The following ADRA1A variants were observed in gnomAD, a reference collection of about 807,000 sequenced individuals.
ADRA1A encodes the protein alpha-1A adrenergic receptor.
In ADRA1A, 31 loss-of-function variants were observed where a neutral mutation model predicts 29.6. The observed-to-expected ratio is 1.05, with a 90% CI of 0.79 to 1.41. ADRA1A has a LOEUF of 1.41. Ranked by LOEUF, ADRA1A falls within the 40% of genes most tolerant of loss-of-function variation. The pLI, the probability that ADRA1A is intolerant of heterozygous loss-of-function variation, is 0.00. For synonymous variants in ADRA1A, 311 were observed against 254.3 expected, an observed-to-expected ratio of 1.22 and a Z score of -2.12; for missense variants, 619 against 601.1, an observed-to-expected ratio of 1.03 and a Z score of -0.31.
intron 2 of ADRA1A, chr8:26,756,965 A>G (rs566277205): frequency 2.4e-6 from 2 of 850,178 alleles, no homozygotes; most frequent in East Asian, 5.3e-5. Context: ...GATCCCTCTC[A>G]TTTCCTCATT....
At chr8:26,755,430 G>A (rs1805117338), downstream of ADRA1A, among the ~76,000 whole-genome samples, 1 of 152,132 alleles carries the variant, frequency 6.6e-6, no homozygotes, top group Non-Finnish European at 1.5e-5. Flanking sequence ...TGCCTGTGGG[G>A]ACTTGGGCAA....
Position 26,805,921 on chromosome 8 carries a change from C to A in ADRA1A, c.884-35255G>T, listed in dbSNP as rs142574227. Among the ~76,000 whole-genome samples the A allele has an allele frequency of 2.5e-3, 378 of 152,300 alleles. 1 individual carries two copies. The highest frequency in any genetic ancestry group is 4.3e-3 in the Non-Finnish European group (292 of 68,028). On this transcript the variant is annotated intron_variant, in intron 2 of 2. Transcript: ENST00000380573. This position sits in a 1 kb window ranked among gnomAD's most constrained non-coding sequence, Gnocchi z 4.8. ...CTTATCAGAGCCTGTGCCCCCTTCC[C>A]CCTAGGCATCTTCTATCACTGTTGC...
intron 2 of ADRA1A, among the ~76,000 whole-genome samples, chr8:26,793,527 A>AT (rs1170009243): frequency 2.0e-5 from 3 of 152,002 alleles, no homozygotes; most frequent in Admixed American, 6.6e-5. Context: ...ATTAGAATTA[A>AT]TTAGTACATT....
chr8:26,808,233 T>G lies in ADRA1A; in HGVS notation c.884-37567A>C, dbSNP rs533544343. On this transcript the variant is annotated intron_variant, in intron 2 of 2. Transcript: ENST00000380573. ...GTTTCCTACACAAAAGATTGCATAC[T>G]ACATATACTTCTACATATTGCTTTT... Among the ~76,000 whole-genome samples the G allele has an allele frequency of 3.3e-5, 5 of 152,338 alleles. No homozygotes were observed. In the East Asian group the frequency reaches 9.6e-4, roughly 29 times the overall value.
chr8:26,768,157 A>C (rs180998547), downstream of ADRA1A, among the ~76,000 whole-genome samples: 3 of 152,320 alleles, frequency 2.0e-5, no homozygotes, highest in East Asian at 5.8e-4. Context: ...ACATGCAAAC[A>C]TACCCTCCAT....
chr8:26,769,220 C>T lies in ADRA1A; in HGVS notation c.*929G>A. ...CAGGTAAGTGATTTGTCAAGAAAGG[C>T]TTTTGTAAGCCATGTTGAAATGGCT... On this transcript the variant is annotated 3_prime_UTR_variant, in exon 3 of 3. Coordinates refer to ENST00000380573, the MANE Select transcript of ADRA1A (RefSeq NM_000680.4). The T allele has an allele frequency of 1.0e-6, 1 of 985,358 alleles. No individual in the cohort carries two copies. Among genetic ancestry groups the T allele is most frequent in the Non-Finnish European group, 1.2e-6 (1 of 829,894 alleles). 61.0% of individuals were successfully genotyped at this position (985,358 alleles called of 1,614,324 possible). A position where few individuals can be genotyped will look rare whatever the true frequency, so the allele number is the denominator to read the frequency against.
chr8:26,859,800 GCT>G (rs1426988962), intron 2 of ADRA1A, among the ~76,000 whole-genome samples: 2 of 144,754 alleles, frequency 1.4e-5, no homozygotes, highest in African/African-American at 5.2e-5. Context: ...ACAGAATCTC[GCT>G]CTGTCACCCA....
chr8:26,806,987 G>A lies in ADRA1A; in HGVS notation c.884-36321C>T, dbSNP rs547994050. On this transcript the variant is annotated intron_variant, in intron 2 of 2. Coordinates refer to ENST00000380573, the MANE Select transcript of ADRA1A (RefSeq NM_000680.4). This position sits in a 1 kb window ranked among gnomAD's most constrained non-coding sequence, Gnocchi z 4.6. ...TAATAATGTCAAACTTATGTCGGGG[G>A]TAAAGTGCTATAAAAATAAACATGT... 6.6e-6 allele frequency among the ~76,000 whole-genome samples: 1 copy of A among 152,296 alleles called. No homozygotes were observed. The highest frequency in any genetic ancestry group is 1.5e-5 in the Non-Finnish European group (1 of 68,030).
chr8:26,828,164 G>A (rs1810722859), intron 2 of ADRA1A, among the ~76,000 whole-genome samples: 1 of 152,190 alleles, frequency 6.6e-6, no homozygotes, highest in African/African-American at 2.4e-5. Context: ...AGGGTGCTAA[G>A]ATTACAGGTA....
In ADRA1A at chr8:26,799,909, A is replaced by C. The variant is rs117600828; in HGVS notation, c.884-29243T>G. On this transcript the variant is annotated intron_variant, in intron 2 of 2. Transcript: ENST00000380573. ...CACGTAATCTAGAATTGCCAATTCA[A>C]TGTGAAAAAAATAAAGTTGGAGGAG... is the stretch of plus-strand genomic sequence containing the variant. 4.8e-3 allele frequency among the ~76,000 whole-genome samples: 724 copies of C among 152,312 alleles called. 2 individuals are homozygous for C. Among genetic ancestry groups the C allele is most frequent in the Middle Eastern group, 0.01 (3 of 294 alleles).
At chr8:26,820,583 A>G (rs1460650171) in intron 2 of ADRA1A, among the ~76,000 whole-genome samples, 1 of 152,134 alleles carries the variant, frequency 6.6e-6, no homozygotes, top group Non-Finnish European at 1.5e-5. Flanking sequence ...TCCCCATGAC[A>G]TAGACTGAGC....
At chr8:26,782,451 A>G (rs1400705277) in intron 2 of ADRA1A, among the ~76,000 whole-genome samples, 2 of 152,214 alleles carry the variant, frequency 1.3e-5, no homozygotes, top group Non-Finnish European at 2.9e-5. Context: ...TTCCTCTTTA[A>G]TTTTAAAAGG....
chr8:26,864,173 C>A lies in ADRA1A; in HGVS notation c.797G>T (p.Arg266Leu), dbSNP rs750645265. 6.2e-7 allele frequency: 1 copy of A among 1,614,110 alleles called. No homozygotes were observed. The highest frequency in any genetic ancestry group is 8.5e-7 in the Non-Finnish European group (1 of 1,180,042). ...CAGCGTTTTGGCCGCTTTCTTCTCCCGGGAGAACTTGAGGAGCCTCACTGA... is the reference window on the plus strand; with the variant it reads ...CAGCGTTTTGGCCGCTTTCTTCTCCAGGGAGAACTTGAGGAGCCTCACTGA... ...HFSVRLLKFS[R>L]EKKAAKTLGI... The change falls in exon 2 of 3, where the codon CGG becomes CTG. Residue 266 changes from arginine (R) to leucine (L), a missense_variant. Physicochemically the swap from Arg to Leu is moderately radical, Grantham distance 102. Coordinates refer to ENST00000380573, the MANE Select transcript of ADRA1A (RefSeq NM_000680.4). The surrounding 1 kb of genome is among the most constrained non-coding windows in gnomAD (Gnocchi z 8.1).
At chr8:26,757,549 C>T (rs1805256620) in intron 2 of ADRA1A, among the ~76,000 whole-genome samples, 1 of 148,448 alleles carries the variant, frequency 6.7e-6, no homozygotes, top group African/African-American at 2.5e-5. Flanking sequence ...AGGTTTGTAA[C>T]ACAAGCAGAC....
At chr8:26,837,244 C>A (rs1347895788) in intron 2 of ADRA1A, among the ~76,000 whole-genome samples, 1 of 152,068 alleles carries the variant, frequency 6.6e-6, no homozygotes, top group Non-Finnish European at 1.5e-5. Flanking sequence ...TTTTGTCTGA[C>A]ATTGATTATG....
intron 2 of ADRA1A, chr8:26,779,264 TGCC>T (rs1227339072): frequency 1.7e-5 from 12 of 700,870 alleles, no homozygotes; most frequent in Admixed American, 4.0e-5. Context: ...CCCTTTTTTT[TGCC>T]TCTTACATTC....
At position 26,841,426 on chromosome 8, in the gene ADRA1A, C is replaced by A. The variant is rs1013114692; in HGVS notation, c.883+22661G>T. On this transcript the variant is annotated intron_variant, in intron 2 of 2. Transcript: ENST00000380573. This position sits in a 1 kb window ranked among gnomAD's most constrained non-coding sequence, Gnocchi z 4.4. ...TAACTGTGAAGGCATCGGGCTTTCC[C>A]AGATATCCTTTGCATTCAAATCCTC... Among the ~76,000 whole-genome samples, 1 of 152,206 alleles carries A rather than the reference C, an allele frequency of 6.6e-6. No homozygotes were observed. Among genetic ancestry groups the A allele is most frequent in the African/African-American group, 2.4e-5 (1 of 41,446 alleles).
chr8:26,808,452 C>T (rs1489824478), intron 2 of ADRA1A, among the ~76,000 whole-genome samples: 1 of 152,080 alleles, frequency 6.6e-6, no homozygotes, highest in Non-Finnish European at 1.5e-5. Context: ...TTAACTTAGC[C>T]TTTTACCTGA....
intron 2 of ADRA1A, among the ~76,000 whole-genome samples, chr8:26,840,806 A>T (rs192578871): frequency 1.3e-5 from 2 of 152,126 alleles, no homozygotes; most frequent in African/African-American, 2.4e-5. Context: ...TTTGTCCCCT[A>T]TGGAGGCTGG....
Sources: allele counts gnomAD v4.1 joint callset (sites outside exome capture counted in the v4.1 genomes callset), GRCh38; gene constraint gnomAD v4.1.1; non-coding constraint Gnocchi (gnomAD v3.1); transcripts MANE v1.5; gene names NCBI Gene and HGNC (gene_info 2026-07-23, HGNC 2026-07-21).